Variants in EPYC observed in about 807,000 individuals in gnomAD.
The protein encoded by EPYC is epiphycan.
In EPYC, 28 loss-of-function variants were observed where a neutral mutation model predicts 30.1. The observed-to-expected ratio is 0.93, with a 90% CI of 0.69 to 1.28. EPYC has a LOEUF of 1.28. Among genes scored for constraint, EPYC ranks in the 50% most tolerant of loss-of-function variants. EPYC has a pLI of 0.00. For missense variants in EPYC, 382 were observed against 383.5 expected, an observed-to-expected ratio of 1.00 and a Z score of 0.03; for synonymous variants, 144 against 141.4, an observed-to-expected ratio of 1.02 and a Z score of -0.13.
At chr12:90,978,024 A>G (rs1247434201) in intron 3 of EPYC, 64 bp downstream of exon 3, 2 of 1,420,568 alleles carry the variant, frequency 1.4e-6, no homozygotes, top group Non-Finnish European at 1.9e-6. Context: ...TGTAGAGTTG[A>G]AGCTGTGCAG....
chr12:90,986,002 C>T (rs1877439347), intron 2 of EPYC, among the ~76,000 whole-genome samples: 1 of 152,168 alleles, frequency 6.6e-6, no homozygotes, highest in Non-Finnish European at 1.5e-5. Flanking sequence ...TCTCCCACCT[C>T]CTTATTTGTG....
chr12:90,982,241 T>A (rs990315314), intron 2 of EPYC, among the ~76,000 whole-genome samples: 1 of 152,186 alleles, frequency 6.6e-6, no homozygotes, highest in African/African-American at 2.4e-5. Context: ...AGTTAGGATG[T>A]CCTCTAGTGT....
At chr12:90,977,830 C>G (rs1430696329) in intron 3 of EPYC, among the ~76,000 whole-genome samples, 1 of 152,092 alleles carries the variant, frequency 6.6e-6, no homozygotes, top group Non-Finnish European at 1.5e-5. Flanking sequence ...CATTCCACCA[C>G]CAGGTTTCGA....
Position 90,983,515 on chromosome 12 carries a change from C to G in EPYC, c.166-5253G>C, listed in dbSNP as rs929534288. ...GTTGAGAGCGTTGGTTTGCTTGAAA[C>G]CAGCTTCTGCTTTTCTTATACTTCC... is the stretch of plus-strand genomic sequence containing the variant. On this transcript the variant is annotated intron_variant, in intron 2 of 6. Transcript: ENST00000261172. Among the ~76,000 whole-genome samples, 10 of 152,248 alleles carry G rather than the reference C, an allele frequency of 6.6e-5. No individual in the cohort carries two copies. In the East Asian group the frequency reaches 1.7e-3, roughly 27 times the overall value.
chr12:90,971,139 C>T (rs1055665752), intron 5 of EPYC, among the ~76,000 whole-genome samples: 1 of 152,314 alleles, frequency 6.6e-6, no homozygotes, highest in East Asian at 1.9e-4. Context: ...GATAGTCTTT[C>T]TGAGTGTAGG....
intron 2 of EPYC, among the ~76,000 whole-genome samples, chr12:91,001,813 T>G (rs1268466958): frequency 6.6e-6 from 1 of 152,080 alleles, no homozygotes; most frequent in Non-Finnish European, 1.5e-5. Context: ...TTTTCTAATT[T>G]TCTCTGTTCT....
In EPYC at chr12:91,002,402, TCA is replaced by T. The variant is rs775771949; in HGVS notation, c.162_163del (p.Glu55AspfsTer2). 1 of 1,610,784 alleles carries T rather than the reference TCA, an allele frequency of 6.2e-7. No homozygotes were observed. Among genetic ancestry groups the T allele is most frequent in the East Asian group, 2.2e-5 (1 of 44,692 alleles). ...TTCAAGAGTAGGAGGATCGATTACCTCAACTTTATCAACAGGTATGTTTTCAT... is the reference window on the plus strand; with the variant it reads ...TTCAAGAGTAGGAGGATCGATTACCTACTTTATCAACAGGTATGTTTTCAT... On this transcript the variant is annotated frameshift_variant and splice_region_variant, in exon 2 of 7. Transcript: ENST00000261172. LOFTEE classifies it high-confidence loss of function.
intron 2 of EPYC, among the ~76,000 whole-genome samples, chr12:90,996,161 G>C (rs1877689414): frequency 6.6e-6 from 1 of 151,810 alleles, no homozygotes; most frequent in Non-Finnish European, 1.5e-5. Flanking sequence ...ACAAAATACA[G>C]AGACAATTTC....
At chr12:90,985,117 GCTGTCCCCAGTA>G (rs1426431851) in intron 2 of EPYC, among the ~76,000 whole-genome samples, 2 of 152,104 alleles carry the variant, frequency 1.3e-5, no homozygotes, top group African/African-American at 4.8e-5. Flanking sequence ...TGGTCAGCAA[GCTGTCCCCAGTA>G]TGGATCCCCA....
intron 2 of EPYC, among the ~76,000 whole-genome samples, chr12:91,001,598 A>T (rs933280726): frequency 1.3e-5 from 2 of 152,116 alleles, no homozygotes; most frequent in African/African-American, 4.8e-5. Context: ...AACCTTGCCA[A>T]TTTCTACATT....
chr12:90,992,841 G>T (rs1877617887), intron 2 of EPYC, among the ~76,000 whole-genome samples: 1 of 152,184 alleles, frequency 6.6e-6, no homozygotes, highest in Admixed American at 6.5e-5. Flanking sequence ...TGGGATCTGA[G>T]TATTTGCATT....
At chr12:90,991,458 T>C (rs572314856) in intron 2 of EPYC, among the ~76,000 whole-genome samples, 2 of 151,686 alleles carry the variant, frequency 1.3e-5, no homozygotes, top group South Asian at 2.1e-4. Flanking sequence ...AACTCAGAAA[T>C]GTGAAGATTT....
chr12:90,998,084 C>T (rs1877737561), intron 2 of EPYC, among the ~76,000 whole-genome samples: 2 of 152,050 alleles, frequency 1.3e-5, no homozygotes, highest in South Asian at 4.1e-4. Context: ...CAAAAATCCT[C>T]ATCTATTCAA....
chr12:90,967,935 A>T (rs1369975821), intron 6 of EPYC, among the ~76,000 whole-genome samples: 1 of 152,196 alleles, frequency 6.6e-6, no homozygotes, highest in African/African-American at 2.4e-5. Context: ...ATACTACTGC[A>T]TTCTAGCCTG....
intron 2 of EPYC, among the ~76,000 whole-genome samples, chr12:90,987,903 C>T (rs1206351832): frequency 5.3e-5 from 8 of 152,208 alleles, no homozygotes; most frequent in African/African-American, 1.7e-4. Context: ...TCTCTATAGC[C>T]TCTTTATCTC....
At chr12:90,965,077 T>C (rs1401685009) in intron 6 of EPYC, among the ~76,000 whole-genome samples, 1 of 152,206 alleles carries the variant, frequency 6.6e-6, no homozygotes, top group Non-Finnish European at 1.5e-5. Context: ...TAGATTTTCC[T>C]ATCTGGACAT....
intron 3 of EPYC, among the ~76,000 whole-genome samples, chr12:90,975,861 T>C (rs1158977434): frequency 6.6e-6 from 1 of 152,150 alleles, no homozygotes; most frequent in Non-Finnish European, 1.5e-5. Flanking sequence ...GAAATTTAAC[T>C]ACACAGAAAG....
Position 91,002,489 on chromosome 12 carries a change from A to G in EPYC, c.77T>C (p.Ile26Thr), listed in dbSNP as rs926003039. 1 of 1,613,376 alleles carries G rather than the reference A, an allele frequency of 6.2e-7. No individual in the cohort carries two copies. Among genetic ancestry groups the G allele is most frequent in the Non-Finnish European group, 8.5e-7 (1 of 1,179,596 alleles). ...ATCATAGGTTTCTGAGTCATAGTTG[A>G]TGGACTCTAGAGTTGGGGCAGTCAC... The part of the protein sequence containing the change: ...AAVTAPTLES[I>T]NYDSETYDAT... Residue 26 changes from isoleucine (I) to threonine (T), a missense_variant, in exon 2 of 7, where the codon ATC (isoleucine) becomes ACC (threonine). Physicochemically the swap from Ile to Thr is moderately conservative, Grantham distance 89 (BLOSUM62 -1). Transcript: ENST00000261172.
In EPYC at chr12:90,978,190, G is replaced by T; in HGVS notation, c.238C>A (p.Gln80Lys). Residue 80 changes from glutamine (Q) to lysine (K), a missense_variant, in exon 3 of 7, where the codon CAG becomes AAG. By Grantham distance (53) the Gln-to-Lys change is moderately conservative. Transcript: ENST00000261172. ...GATTCCTCCTCCTCTTCCTCTTCCTGGGCCTTCTCAGGCTGTGGGGGTGGA... is the reference window on the plus strand; with the variant it reads ...GATTCCTCCTCCTCTTCCTCTTCCTTGGCCTTCTCAGGCTGTGGGGGTGGA... Reference protein sequence around the residue: ...LTPPPQPEKAQEEEEEEESTP... With the variant: ...LTPPPQPEKAKEEEEEEESTP... The T allele has an allele frequency of 6.2e-7, 1 of 1,606,054 alleles. No homozygotes were observed. Among genetic ancestry groups the T allele is most frequent in the Admixed American group, 1.7e-5 (1 of 59,018 alleles).
Sources: gnomAD v4.1 joint callset for allele counts (sites outside exome capture counted in the v4.1 genomes callset) on GRCh38, gnomAD v4.1.1 for gene constraint, MANE v1.5 for transcripts, NCBI Gene and HGNC (gene_info 2026-07-23, HGNC 2026-07-21) for gene names.